Variants in MBTD1 observed in about 807,000 individuals in gnomAD.
The protein encoded by MBTD1 is mbt domain containing 1.
MBTD1 carries 24 observed loss-of-function variants against 87.8 expected under a neutral mutation model. The ratio of observed to expected loss-of-function variants is 0.27; its 90% CI spans 0.20 to 0.38. The LOEUF (loss-of-function observed/expected upper bound fraction) is 0.38, where lower values mean the gene tolerates loss of function less well. MBTD1 is among the 10% of genes least tolerant of loss of function. The probability of loss-of-function intolerance (pLI) is 1.00; values close to 1 mark genes in which losing one functional copy is unlikely to be tolerated. For missense variants in MBTD1, 436 were observed against 760.2 expected (o/e 0.57, Z 5.02); for synonymous variants, 237 against 248.6 (o/e 0.95, Z 0.44).
chr17:51,253,170 A>T (rs1202176576), intron 2 of MBTD1, among the ~76,000 whole-genome samples: 1 of 152,190 alleles, frequency 6.6e-6, no homozygotes, highest in African/African-American at 2.4e-5. Context: ...GATATCTGGT[A>T]TCAGTAAATA....
At chr17:51,206,265 C>T (rs1465245537) in intron 7 of MBTD1, among the ~76,000 whole-genome samples, 1 of 152,128 alleles carries the variant, frequency 6.6e-6, no homozygotes, top group East Asian at 1.9e-4. Flanking sequence ...AAGGTTCTTA[C>T]CACTTTATTT....
Position 51,179,486 on chromosome 17 carries a change from A to ATATATATATATATT in MBTD1, c.*1089_*1090insAATATATATATATA, listed in dbSNP as rs2050205195. The ATATATATATATATT allele has an allele frequency of 2.0e-4, 3 of 15,016 alleles. No individual in the cohort carries two copies. Among genetic ancestry groups the ATATATATATATATT allele is most frequent in the Admixed American group, 7.8e-4 (1 of 1,280 alleles). 0.9% of individuals were successfully genotyped at this position (15,016 alleles called of 1,614,324 possible). Reference sequence around the variant, plus strand: ...CCTGAATACAATTAAAGACAATTTTATATATATATATATATATATATATAT... The same window carrying ATATATATATATATT: ...CCTGAATACAATTAAAGACAATTTTATATATATATATATTTATATATATATATATATATATATAT... On this transcript the variant is annotated 3_prime_UTR_variant, in exon 17 of 17. Transcript: ENST00000586178.
intron 2 of MBTD1, among the ~76,000 whole-genome samples, chr17:51,242,527 G>T (rs978278970): frequency 6.6e-6 from 1 of 152,170 alleles, no homozygotes; most frequent in Admixed American, 6.5e-5. Context: ...TTATTTCAAT[G>T]TGGTTGTTAC....
intron 2 of MBTD1, among the ~76,000 whole-genome samples, chr17:51,242,245 A>G (rs1305251935): frequency 1.3e-5 from 2 of 152,226 alleles, no homozygotes; most frequent in Non-Finnish European, 2.9e-5. Flanking sequence ...CATGTATTTT[A>G]GAAAATTATG....
chr17:51,205,218 C>G lies in MBTD1; in HGVS notation c.605-1293G>C, dbSNP rs566430146. ...GCCTTAAATGTTCAGTTTTAAAATT[C>G]AATAATTTCTCAGAACAATTTATGA... On this transcript the variant is annotated intron_variant, in intron 7 of 16. Transcript: ENST00000586178. Among the ~76,000 whole-genome samples, 3 of 152,210 alleles carry G rather than the reference C, an allele frequency of 2.0e-5. No homozygotes were observed. In the South Asian group the frequency reaches 6.2e-4, roughly 32 times the overall value.
In MBTD1 at chr17:51,223,364, C is replaced by T. The variant is rs567042963; in HGVS notation, c.154+1644G>A. Among the ~76,000 whole-genome samples the T allele has an allele frequency of 6.0e-5, 9 of 151,054 alleles. No individual in the cohort carries two copies. In the East Asian group the frequency reaches 1.8e-3, roughly 30 times the overall value. ...CCTGGGCAATATGGTGAAAATTGCC[C>T]GTCTCTGAAAAAAATACAAAAATTA... On this transcript the variant is annotated intron_variant, in intron 3 of 16. Coordinates refer to ENST00000586178, the MANE Select transcript of MBTD1 (RefSeq NM_017643.3).
intron 14 of MBTD1, 38 bp downstream of exon 14, chr17:51,193,390 A>G (rs373163429): frequency 2.0e-5 from 27 of 1,376,530 alleles, no homozygotes; most frequent in African/African-American, 5.7e-5. Flanking sequence ...TGGGGCATTA[A>G]TAAGTCCTCA....
At chr17:51,211,307 C>T (rs2052195257) in intron 6 of MBTD1, among the ~76,000 whole-genome samples, 2 of 151,860 alleles carry the variant, frequency 1.3e-5, no homozygotes, top group Admixed American at 1.3e-4. Context: ...GCCTGGACAA[C>T]ATGGCGAAAC....
chr17:51,245,848 G>A (rs1472155956), intron 2 of MBTD1, among the ~76,000 whole-genome samples: 1 of 152,000 alleles, frequency 6.6e-6, no homozygotes. Context: ...TTTTCCAAGT[G>A]CACTTCAAGT....
At chr17:51,260,590 G>C (rs761316312), upstream of MBTD1, 3 of 1,611,938 alleles carry the variant, frequency 1.9e-6, no homozygotes, top group African/African-American at 1.3e-5. Flanking sequence ...TAACGATGCC[G>C]CCGGAGCGGA....
chr17:51,219,117 A>G, intron 4 of MBTD1, 73 bp from the exon 5 acceptor site: 1 of 732,504 alleles, frequency 1.4e-6, no homozygotes, highest in South Asian at 1.5e-5. Context: ...TGGACTGCAT[A>G]CTACACATTC....
intron 2 of MBTD1, among the ~76,000 whole-genome samples, chr17:51,248,518 C>A (rs1485363529): frequency 6.6e-6 from 1 of 152,210 alleles, no homozygotes; most frequent in Non-Finnish European, 1.5e-5. Context: ...CTCTAGAAAG[C>A]TCCTTCCTGT....
At chr17:51,206,747 A>C (rs2051864101) in intron 7 of MBTD1, 141 bp downstream of exon 7, 1 of 576,838 alleles carries the variant, frequency 1.7e-6, no homozygotes, top group Admixed American at 3.0e-5. Flanking sequence ...CTTTTCACAG[A>C]AAACAATTTG....
At chr17:51,225,485 G>C (rs1314353182) in intron 2 of MBTD1, among the ~76,000 whole-genome samples, 1 of 151,714 alleles carries the variant, frequency 6.6e-6, no homozygotes, top group East Asian at 1.9e-4. Context: ...CTGAGTAGCT[G>C]GGACTACAGG....
At chr17:51,229,725 A>G (rs2053447322) in intron 2 of MBTD1, among the ~76,000 whole-genome samples, 1 of 149,670 alleles carries the variant, frequency 6.7e-6, no homozygotes, top group Non-Finnish European at 1.5e-5. Flanking sequence ...CAGTGGCGCA[A>G]TCTTGGCTCA....
chr17:51,180,220 T>C lies in MBTD1; in HGVS notation c.*356A>G, dbSNP rs1348380878. Reference sequence around the variant, plus strand: ...ACAGTTCATTTGCATTTAACAGCTATATCCTTCTTAAATCATTTCCTTCAA... The same window carrying C: ...ACAGTTCATTTGCATTTAACAGCTACATCCTTCTTAAATCATTTCCTTCAA... On this transcript the variant is annotated 3_prime_UTR_variant, in exon 17 of 17. Coordinates refer to ENST00000586178, the MANE Select transcript of MBTD1 (RefSeq NM_017643.3). 1.1e-5 allele frequency: 2 copies of C among 187,888 alleles called. No individual in the cohort carries two copies. Among genetic ancestry groups the C allele is most frequent in the African/African-American group, 4.8e-5 (2 of 41,800 alleles). 11.6% of individuals were successfully genotyped at this position (187,888 alleles called of 1,614,324 possible). A position where few individuals can be genotyped will look rare whatever the true frequency, so the allele number is the denominator to read the frequency against.
At chr17:51,260,849 C>T (rs747753017), upstream of MBTD1, 3 of 1,600,606 alleles carry the variant, frequency 1.9e-6, no homozygotes, top group African/African-American at 1.3e-5. Context: ...GGCCGTGGAG[C>T]GGTGCTTGGA....
intron 2 of MBTD1, among the ~76,000 whole-genome samples, chr17:51,244,764 C>T (rs1009291938): frequency 6.6e-6 from 1 of 152,036 alleles, no homozygotes; most frequent in Non-Finnish European, 1.5e-5. Context: ...TTACTTTCTT[C>T]CTTATCAAGA....
Position 51,178,187 on chromosome 17 carries a change from T to C in MBTD1, c.*2389A>G, listed in dbSNP as rs1598260599. On this transcript the variant is annotated 3_prime_UTR_variant, in exon 17 of 17. Coordinates refer to ENST00000586178, the MANE Select transcript of MBTD1 (RefSeq NM_017643.3). ...GGGCGATTGAGTTGTACAACTGGAG[T>C]TATGGCTAAGACATAAATCTCCTCT... 6.6e-6 allele frequency: 1 copy of C among 152,024 alleles called. No homozygotes were observed. The highest frequency in any genetic ancestry group is 1.9e-4 in the East Asian group (1 of 5,198). 9.4% of individuals were successfully genotyped at this position (152,024 alleles called of 1,614,324 possible).
Sources: gnomAD v4.1 joint callset for allele counts (sites outside exome capture counted in the v4.1 genomes callset) on GRCh38, gnomAD v4.1.1 for gene constraint, MANE v1.5 for transcripts, NCBI Gene and HGNC (gene_info 2026-07-23, HGNC 2026-07-21) for gene names.